The following CDH13 variants were observed in gnomAD, a reference collection of about 807,000 sequenced individuals.
CDH13 encodes cadherin 13.
CDH13 carries 24 observed loss-of-function variants against 63.8 expected under a neutral mutation model. That is an observed-to-expected ratio of 0.38 (90% CI 0.27 to 0.53). The LOEUF (loss-of-function observed/expected upper bound fraction) is 0.53, where lower values mean the gene tolerates loss of function less well. Among genes scored for constraint, CDH13 ranks in the 20% least tolerant of loss-of-function variants. The pLI is 0.85. For synonymous variants in CDH13, 503 were observed against 355.3 expected, an observed-to-expected ratio of 1.42 and a Z score of -4.67; for missense variants, 1,049 against 903.1, an observed-to-expected ratio of 1.16 and a Z score of -2.07.
rs75940528 is a variant in CDH13, at chr16:83,356,833, C to G, written c.781+11827C>G. On this transcript the variant is annotated intron_variant, in intron 6 of 13. Transcript: ENST00000567109. Reference sequence around the variant, plus strand: ...GAAAAAAAGTTTAATAGACTTACAGCTTTCTTGCTTTAATTATGGGTGCAT... The same window carrying G: ...GAAAAAAAGTTTAATAGACTTACAGGTTTCTTGCTTTAATTATGGGTGCAT... 2.7e-3 allele frequency among the ~76,000 whole-genome samples: 414 copies of G among 152,230 alleles called. 4 individuals are homozygous for G. Among genetic ancestry groups the G allele is most frequent in the African/African-American group, 9.5e-3 (394 of 41,534 alleles).
chr16:83,547,277 C>G (rs1312949181), intron 7 of CDH13, among the ~76,000 whole-genome samples: 1 of 152,334 alleles, frequency 6.6e-6, no homozygotes, highest in Admixed American at 6.5e-5. Context: ...GCCCAGGAAC[C>G]TGGATAAGTG....
chr16:82,740,986 G>C (rs2033901226), intron 1 of CDH13, among the ~76,000 whole-genome samples: 1 of 152,050 alleles, frequency 6.6e-6, no homozygotes, highest in Admixed American at 6.5e-5. Flanking sequence ...AAAAGTAAGT[G>C]TATTACTCTA....
At chr16:83,491,323 T>C (rs1468780223) in intron 7 of CDH13, among the ~76,000 whole-genome samples, 1 of 152,234 alleles carries the variant, frequency 6.6e-6, no homozygotes, top group Non-Finnish European at 1.5e-5. Context: ...TTAGGTTCAT[T>C]TGGGGCACTT....
At chr16:83,235,280 C>A (rs1188475732) in intron 5 of CDH13, among the ~76,000 whole-genome samples, 1 of 152,126 alleles carries the variant, frequency 6.6e-6, no homozygotes, top group East Asian at 1.9e-4. Context: ...CAGGTCAGCC[C>A]CTGCCCCAGA....
chr16:82,719,844 T>TTA (rs1228407016), intron 1 of CDH13, among the ~76,000 whole-genome samples: 1 of 51,736 alleles, frequency 1.9e-5, no homozygotes, highest in Non-Finnish European at 3.5e-5. Flanking sequence ...AGACTCTGTC[T>TTA]CAAAAAAAAA....
At chr16:82,861,193 G>A (rs1377999597) in intron 2 of CDH13, among the ~76,000 whole-genome samples, 4 of 152,164 alleles carry the variant, frequency 2.6e-5, no homozygotes, top group South Asian at 2.1e-4. Context: ...TATAAATATA[G>A]GTCAGTGTTG....
At chr16:83,161,494 T>G (rs1392322769) in intron 4 of CDH13, among the ~76,000 whole-genome samples, 2 of 152,166 alleles carry the variant, frequency 1.3e-5, no homozygotes, top group Non-Finnish European at 2.9e-5. Flanking sequence ...TGCCTATTAC[T>G]ATTATATTTT....
At chr16:83,436,006 T>C (rs752867903) in intron 6 of CDH13, among the ~76,000 whole-genome samples, 2 of 152,210 alleles carry the variant, frequency 1.3e-5, no homozygotes, top group Non-Finnish European at 2.9e-5. Flanking sequence ...TTTGACAATG[T>C]CTGGAGGGTT....
intron 6 of CDH13, among the ~76,000 whole-genome samples, chr16:83,348,023 C>G (rs1021336085): frequency 6.6e-6 from 1 of 151,992 alleles, no homozygotes; most frequent in East Asian, 1.9e-4. Context: ...AACCCCATTG[C>G]TACGAAAAAA....
At chr16:83,555,715 C>T (rs930407816) in intron 7 of CDH13, among the ~76,000 whole-genome samples, 2 of 152,186 alleles carry the variant, frequency 1.3e-5, no homozygotes, top group Non-Finnish European at 2.9e-5. Context: ...TAAAGTTCAT[C>T]AGAAGAGGTG....
chr16:82,780,193 A>C (rs931961637), intron 1 of CDH13, among the ~76,000 whole-genome samples: 2 of 152,112 alleles, frequency 1.3e-5, no homozygotes, highest in African/African-American at 4.8e-5. Flanking sequence ...ATTTAAGAAA[A>C]AAACCCCACA....
At chr16:83,065,112 T>G (rs983829876) in intron 3 of CDH13, among the ~76,000 whole-genome samples, 5 of 152,220 alleles carry the variant, frequency 3.3e-5, no homozygotes, top group Non-Finnish European at 5.9e-5. Flanking sequence ...ATTTGTCTTC[T>G]GTGCCTTAGC....
At chr16:83,451,397 C>T (rs1222007130) in intron 6 of CDH13, among the ~76,000 whole-genome samples, 1 of 152,214 alleles carries the variant, frequency 6.6e-6, no homozygotes, top group Non-Finnish European at 1.5e-5. Context: ...TGGAAAATAC[C>T]TGCCCCCATG....
At chr16:83,105,470 G>A (rs535732843) in intron 3 of CDH13, among the ~76,000 whole-genome samples, 1 of 152,288 alleles carries the variant, frequency 6.6e-6, no homozygotes, top group East Asian at 1.9e-4. Context: ...CTGCCAGGGA[G>A]AGGAGAACAG....
chr16:82,698,420 C>G (rs1456422063), intron 1 of CDH13, among the ~76,000 whole-genome samples: 1 of 152,212 alleles, frequency 6.6e-6, no homozygotes, highest in Non-Finnish European at 1.5e-5. Flanking sequence ...CAGACAACTA[C>G]AAAACCTTGG....
At chr16:83,054,093 A>G (rs1411537229) in intron 3 of CDH13, among the ~76,000 whole-genome samples, 2 of 152,224 alleles carry the variant, frequency 1.3e-5, no homozygotes, top group Non-Finnish European at 2.9e-5. Context: ...TAGCCTAGGA[A>G]CAATAGGCTA....
intron 2 of CDH13, among the ~76,000 whole-genome samples, chr16:82,925,276 A>T (rs2151286752): frequency 6.6e-6 from 1 of 152,284 alleles, no homozygotes; most frequent in African/African-American, 2.4e-5. Flanking sequence ...GGCCCCTCAG[A>T]GCACCCCTAG....
rs572703618 is a variant in CDH13, at chr16:83,647,086, G to A, written c.1102-23704G>A. 1.1e-3 allele frequency among the ~76,000 whole-genome samples: 162 copies of A among 152,052 alleles called. 1 individual carries two copies. The highest frequency in any genetic ancestry group is 3.4e-3 in the African/African-American group (142 of 41,480). ...AGCACTTTGGGAGGCCGAGGAGGGC[G>A]GATCACGAGGTCAGGAGATCGAGAC... On this transcript the variant is annotated intron_variant, in intron 8 of 13. Transcript: ENST00000567109.
At chr16:83,542,027 C>G (rs964490797) in intron 7 of CDH13, among the ~76,000 whole-genome samples, 1 of 152,218 alleles carries the variant, frequency 6.6e-6, no homozygotes, top group African/African-American at 2.4e-5. Context: ...TTGTCTGACC[C>G]TTGCTCCTTA....
Sources: allele counts gnomAD v4.1 joint callset (sites outside exome capture counted in the v4.1 genomes callset), GRCh38; gene constraint gnomAD v4.1.1; transcripts MANE v1.5; gene names NCBI Gene and HGNC (gene_info 2026-07-23, HGNC 2026-07-21).